MAPK10: variants seen among roughly 807,000 people sequenced by gnomAD.
MAPK10 encodes the protein JNK3 alpha protein kinase.
In MAPK10, 25 loss-of-function variants were observed where a neutral mutation model predicts 59.3. The ratio of observed to expected loss-of-function variants is 0.42; its 90% CI spans 0.31 to 0.59. The LOEUF (loss-of-function observed/expected upper bound fraction) is 0.59. MAPK10 is among the 20% of genes least tolerant of loss of function. The pLI is 0.15. For missense variants in MAPK10, 351 were observed against 568.9 expected (o/e 0.62, Z 3.90); for synonymous variants, 190 against 200.5 (o/e 0.95, Z 0.44).
At chr4:86,474,556 T>A (rs1752912594) in intron 1 of MAPK10, among the ~76,000 whole-genome samples, 1 of 152,192 alleles carries the variant, frequency 6.6e-6, no homozygotes, top group Non-Finnish European at 1.5e-5. Flanking sequence ...CTGAGAAAAT[T>A]TTCACACACC....
intron 2 of MAPK10, among the ~76,000 whole-genome samples, chr4:86,236,494 T>C (rs2092244711): frequency 6.6e-6 from 1 of 152,246 alleles, no homozygotes. Context: ...AAAGTCATTA[T>C]TAATGCCAAG....
chr4:86,372,564 G>GAAAAGAAAAGAAAAAAGA (rs372381149), intron 1 of MAPK10, among the ~76,000 whole-genome samples: 1 of 78,690 alleles, frequency 1.3e-5, no homozygotes, highest in Non-Finnish European at 2.8e-5. Context: ...AAGAAAGAAA[G>GAAAAGAAAAGAAAAAAGA]AAAGAAAAGA....
chr4:86,201,131 C>T (rs537474052), intron 2 of MAPK10, among the ~76,000 whole-genome samples: 1 of 152,002 alleles, frequency 6.6e-6, no homozygotes, highest in South Asian at 2.1e-4. Flanking sequence ...TTTCCCTTCA[C>T]ATAACGTCCT....
chr4:86,356,021 CTGTTTT>C (rs1483716090), intron 1 of MAPK10, among the ~76,000 whole-genome samples: 4 of 147,748 alleles, frequency 2.7e-5, no homozygotes, highest in Middle Eastern at 6.9e-3. Context: ...AAAGTCACTG[CTGTTTT>C]TGTTTTTGTT....
At chr4:86,110,291 A>T (rs2057274652) in intron 4 of MAPK10, among the ~76,000 whole-genome samples, 1 of 151,888 alleles carries the variant, frequency 6.6e-6, no homozygotes, top group Admixed American at 6.6e-5. Flanking sequence ...TCATCAGGAA[A>T]TTTTTGCCCA....
chr4:86,376,722 C>A (rs1739870561), intron 1 of MAPK10, among the ~76,000 whole-genome samples: 1 of 152,156 alleles, frequency 6.6e-6, no homozygotes, highest in Non-Finnish European at 1.5e-5. Flanking sequence ...TGAGAAACAA[C>A]CATTCACTTT....
chr4:86,052,009 G>A (rs2148961708), intron 11 of MAPK10, among the ~76,000 whole-genome samples: 1 of 151,894 alleles, frequency 6.6e-6, no homozygotes, highest in Middle Eastern at 3.4e-3. Context: ...GTAGACAGTG[G>A]CTATTAATTT....
intron 4 of MAPK10, among the ~76,000 whole-genome samples, chr4:86,122,897 G>A (rs2059487082): frequency 6.6e-6 from 1 of 151,894 alleles, no homozygotes; most frequent in African/African-American, 2.4e-5. Context: ...TTCTACCTAA[G>A]TTTTACTATA....
chr4:86,341,352 A>T (rs1724796893), intron 2 of MAPK10, among the ~76,000 whole-genome samples: 1 of 152,196 alleles, frequency 6.6e-6, no homozygotes, highest in South Asian at 2.1e-4. Flanking sequence ...CTGAGACAAT[A>T]TGGGAAGGTA....
At chr4:86,327,844 G>A (rs1214747389) in intron 2 of MAPK10, 4 of 149,074 alleles carry the variant, frequency 2.7e-5, no homozygotes, top group African/African-American at 4.9e-5. Flanking sequence ...CAGCTAATTG[G>A]GAGGCAGAGG....
intron 2 of MAPK10, among the ~76,000 whole-genome samples, chr4:86,300,141 C>T (rs372404810): frequency 1.7e-4 from 26 of 152,280 alleles, no homozygotes; most frequent in African/African-American, 6.0e-4. Context: ...GATCTGCCCA[C>T]CTCGGCCTCC....
intron 2 of MAPK10, among the ~76,000 whole-genome samples, chr4:86,219,221 T>C (rs1008487426): frequency 8.5e-5 from 13 of 152,168 alleles, no homozygotes; most frequent in Admixed American, 7.9e-4. Context: ...GGCAGATTTC[T>C]CAGACTTGCC....
chr4:86,291,278 C>A (rs184756709), intron 2 of MAPK10, among the ~76,000 whole-genome samples: 5 of 152,310 alleles, frequency 3.3e-5, no homozygotes, highest in East Asian at 1.9e-4. Context: ...TTATGGAATT[C>A]AATCTAGCTT....
intron 1 of MAPK10, among the ~76,000 whole-genome samples, chr4:86,565,517 T>TCA (rs1365016953): frequency 1.3e-5 from 2 of 152,116 alleles, no homozygotes; most frequent in Non-Finnish European, 2.9e-5. Context: ...AATAGTTGAG[T>TCA]CACAGAAAGG....
chr4:86,094,582 A>G (rs933606294), intron 9 of MAPK10, among the ~76,000 whole-genome samples: 1 of 151,988 alleles, frequency 6.6e-6, no homozygotes, highest in African/African-American at 2.4e-5. Flanking sequence ...TGTATCTAAA[A>G]GAAGCAGGTT....
chr4:86,113,140 C>T (rs1483226928), intron 4 of MAPK10, among the ~76,000 whole-genome samples: 1 of 152,140 alleles, frequency 6.6e-6, no homozygotes, highest in African/African-American at 2.4e-5. Flanking sequence ...TTGAATATAG[C>T]ACACTGTTGG....
chr4:86,146,226 A>C (rs1324530540), intron 4 of MAPK10, among the ~76,000 whole-genome samples: 2 of 152,228 alleles, frequency 1.3e-5, no homozygotes, highest in Admixed American at 6.5e-5. Flanking sequence ...CTACTCTGCA[A>C]GGAACTATGT....
At chr4:86,049,956 G>A (rs948368080) in intron 11 of MAPK10, among the ~76,000 whole-genome samples, 1 of 145,538 alleles carries the variant, frequency 6.9e-6, no homozygotes, top group Non-Finnish European at 1.5e-5. Context: ...GACTTAAAAG[G>A]TGTTTCCTGA....
At chr4:86,093,257 G>T (rs1035563572) in intron 9 of MAPK10, among the ~76,000 whole-genome samples, 2 of 151,860 alleles carry the variant, frequency 1.3e-5, no homozygotes, top group African/African-American at 4.8e-5. Flanking sequence ...GGGGGATTAC[G>T]TAACTCTTTT....
Sources: allele counts gnomAD v4.1 joint callset (sites outside exome capture counted in the v4.1 genomes callset), GRCh38; gene constraint gnomAD v4.1.1; transcripts MANE v1.5; gene names NCBI Gene and HGNC (gene_info 2026-07-23, HGNC 2026-07-21).